Variants in BACE2 observed in about 807,000 individuals in gnomAD.
The protein encoded by BACE2 is 56 kDa aspartic-like protease.
A neutral mutation model predicts 46.2 loss-of-function variants in BACE2; 17 were observed. The ratio of observed to expected loss-of-function variants is 0.37; its 90% CI spans 0.25 to 0.55. The LOEUF is 0.55. Ranked by LOEUF, BACE2 falls within the 20% of genes least tolerant of loss-of-function variation. The probability of loss-of-function intolerance (pLI) is 0.82; values close to 1 mark genes in which losing one functional copy is unlikely to be tolerated. For missense variants in BACE2, 595 were observed against 698.1 expected (o/e 0.85, Z 1.66); for synonymous variants, 277 against 295.9 (o/e 0.94, Z 0.66).
At chr21:41,198,281 G>A (rs1985810761) in intron 1 of BACE2, among the ~76,000 whole-genome samples, 1 of 152,150 alleles carries the variant, frequency 6.6e-6, no homozygotes, top group Admixed American at 6.5e-5. Context: ...GTAAACCACT[G>A]TGCCCAGCCC....
intron 8 of BACE2, among the ~76,000 whole-genome samples, chr21:41,269,842 C>A (rs768105515): frequency 8.0e-4 from 121 of 152,132 alleles, no homozygotes; most frequent in Non-Finnish European, 1.4e-3. Context: ...TTTTTTATTT[C>A]TCCTGGATAA....
chr21:41,194,974 A>T (rs975430321), intron 1 of BACE2, among the ~76,000 whole-genome samples: 10 of 152,198 alleles, frequency 6.6e-5, no homozygotes, highest in African/African-American at 2.4e-4. Context: ...AGTTAAAGGG[A>T]TCTAGACTCT....
At chr21:41,248,231 T>C (rs1987529448) in intron 6 of BACE2, among the ~76,000 whole-genome samples, 1 of 152,000 alleles carries the variant, frequency 6.6e-6, no homozygotes, top group Admixed American at 6.6e-5. Flanking sequence ...CGCTTGAAAA[T>C]GGCTTCTAAC....
intron 1 of BACE2, among the ~76,000 whole-genome samples, chr21:41,214,246 A>C (rs1986387071): frequency 6.6e-6 from 1 of 152,196 alleles, no homozygotes; most frequent in Admixed American, 6.5e-5. Flanking sequence ...CCCTGCGTGC[A>C]TTCAGTCATT....
Position 41,280,819 on chromosome 21 carries a change from G to A in BACE2, c.*5195G>A, listed in dbSNP as rs2088540242. ...GCTTCCTCTGGGTTTCTTATCAGCA[G>A]CTATTACACACAGATGTCCAGTGCT... On this transcript the variant is annotated 3_prime_UTR_variant, in exon 9 of 9. Transcript: ENST00000330333. 6.6e-6 allele frequency: 1 copy of A among 152,248 alleles called. No individual in the cohort carries two copies. The highest frequency in any genetic ancestry group is 2.1e-4 in the South Asian group (1 of 4,838). 9.4% of individuals were successfully genotyped at this position (152,248 alleles called of 1,614,324 possible).
intron 1 of BACE2, among the ~76,000 whole-genome samples, chr21:41,221,825 CTCAAAAAAA>C (rs1986663252): frequency 1.1e-5 from 1 of 95,196 alleles, no homozygotes; most frequent in African/African-American, 7.1e-5. Context: ...GAGACTCTGT[CTCAAAAAAA>C]AAAAAAAAAA....
intron 8 of BACE2, among the ~76,000 whole-genome samples, chr21:41,259,794 CT>C (rs1464824771): frequency 1.3e-5 from 2 of 151,542 alleles, no homozygotes; most frequent in African/African-American, 4.9e-5. Context: ...TCTGCAGTTT[CT>C]TTCTTTCTTT....
chr21:41,233,903 G>A (rs547619916), intron 2 of BACE2, among the ~76,000 whole-genome samples: 32 of 152,366 alleles, frequency 2.1e-4, no homozygotes, highest in African/African-American at 7.7e-4. Context: ...GGAGGTTGCA[G>A]TGAGCTGAGA....
At chr21:41,269,033 C>T (rs1197868392) in intron 8 of BACE2, among the ~76,000 whole-genome samples, 1 of 152,114 alleles carries the variant, frequency 6.6e-6, no homozygotes, top group Non-Finnish European at 1.5e-5. Context: ...CAGTTTACTG[C>T]AATCTCTGCC....
At chr21:41,254,861 C>A (rs1987735243) in intron 7 of BACE2, among the ~76,000 whole-genome samples, 1 of 152,230 alleles carries the variant, frequency 6.6e-6, no homozygotes, top group African/African-American at 2.4e-5. Flanking sequence ...AATTGTCCTG[C>A]CTCCGTCAGG....
rs1985644388 is a variant in BACE2, at chr21:41,193,525, T to TC, written c.312+24951dup. Among the ~76,000 whole-genome samples, 1 of 152,348 alleles carries TC rather than the reference T, an allele frequency of 6.6e-6. No homozygotes were observed. Among genetic ancestry groups the TC allele is most frequent in the Admixed American group, 6.5e-5 (1 of 15,306 alleles). On this transcript the variant is annotated intron_variant, in intron 1 of 8. Transcript: ENST00000330333. This position sits in a 1 kb window ranked among gnomAD's most constrained non-coding sequence, Gnocchi z 4.2. Reference sequence around the variant, plus strand: ...TTCAAGTCCTTGATGGTGGCACTAATCTCCACAATCCCTTCAGGGATGTGA... The same window carrying TC: ...TTCAAGTCCTTGATGGTGGCACTAATCCTCCACAATCCCTTCAGGGATGTGA...
In BACE2 at chr21:41,244,271, C is replaced by T. The variant is rs376304643; in HGVS notation, c.882+761C>T. On this transcript the variant is annotated intron_variant, in intron 5 of 8. Transcript: ENST00000330333. ...ATATATGCAGGTACCTCTTGTCACG[C>T]GCGTCCATGTAAGGAGACCACAAAA... Among the ~76,000 whole-genome samples the T allele has an allele frequency of 4.1e-4, 62 of 152,282 alleles. No homozygotes were observed. The South Asian group carries it at 9.7e-3, about 24-fold the overall frequency.
At chr21:41,186,873 GAT>G (rs1985396380) in intron 1 of BACE2, 1 of 152,260 alleles carries the variant, frequency 6.6e-6, no homozygotes, top group Admixed American at 6.5e-5. Context: ...ATACTTCTAG[GAT>G]GAGGGTGGTA....
At chr21:41,247,383 C>T (rs1374296919) in intron 6 of BACE2, among the ~76,000 whole-genome samples, 1 of 152,230 alleles carries the variant, frequency 6.6e-6, no homozygotes, top group Non-Finnish European at 1.5e-5. Context: ...CTCCATCCTT[C>T]CCACTATCTG....
intron 1 of BACE2, among the ~76,000 whole-genome samples, chr21:41,207,493 G>A (rs1024351239): frequency 1.3e-5 from 2 of 152,074 alleles, no homozygotes; most frequent in Non-Finnish European, 2.9e-5. Context: ...CAGTAGGATC[G>A]CATCCTGCTG....
intron 1 of BACE2, among the ~76,000 whole-genome samples, chr21:41,189,855 C>T (rs1347182716): frequency 6.6e-6 from 1 of 152,094 alleles, no homozygotes; most frequent in Non-Finnish European, 1.5e-5. Context: ...ATCACAAGAT[C>T]CCACAGTAGG....
Position 41,279,052 on chromosome 21 carries a change from CA to C in BACE2, c.*3430del, listed in dbSNP as rs1393948136. ...GTTTTGTTTTTTTTGAAAAACGACG[CA>C]ACACCATAAAGTGTAAAATTAGGGG... On this transcript the variant is annotated 3_prime_UTR_variant, in exon 9 of 9. Transcript: ENST00000330333. 4.0e-5 allele frequency: 6 copies of C among 151,738 alleles called. No homozygotes were observed. Among genetic ancestry groups the C allele is most frequent in the African/African-American group, 1.2e-4 (5 of 41,210 alleles). 9.4% of individuals were successfully genotyped at this position (151,738 alleles called of 1,614,324 possible). A position where few individuals can be genotyped will look rare whatever the true frequency, so the allele number is the denominator to read the frequency against.
At position 41,242,549 on chromosome 21, in the gene BACE2, A is replaced by G. The variant is rs75030689; in HGVS notation, c.747+602A>G. Among the ~76,000 whole-genome samples the G allele has an allele frequency of 7.2e-3, 1,101 of 152,258 alleles. 6 individuals are homozygous for G. The highest frequency in any genetic ancestry group is 0.012 in the Non-Finnish European group (791 of 68,032). ...CCAGTCCCTTTGCTGTCTGACTATG[A>G]GAGGCAGGATCTGCACCCCGGTCCT... On this transcript the variant is annotated intron_variant, in intron 4 of 8. Transcript: ENST00000330333.
At chr21:41,244,669 C>T (rs901917568) in intron 5 of BACE2, among the ~76,000 whole-genome samples, 5 of 152,138 alleles carry the variant, frequency 3.3e-5, no homozygotes, top group Admixed American at 2.0e-4. Flanking sequence ...AGGTGCAGGT[C>T]ACAGTCACAG....
Sources: allele counts gnomAD v4.1 joint callset (sites outside exome capture counted in the v4.1 genomes callset), GRCh38; gene constraint gnomAD v4.1.1; non-coding constraint Gnocchi (gnomAD v3.1); transcripts MANE v1.5; gene names NCBI Gene and HGNC (gene_info 2026-07-23, HGNC 2026-07-21).